VWA3B: variants seen among roughly 807,000 people sequenced by gnomAD.
The protein encoded by VWA3B is von Willebrand factor A domain containing 3B.
VWA3B carries 138 observed loss-of-function variants against 158.3 expected under a neutral mutation model. That is an observed-to-expected ratio of 0.87 (90% CI 0.76 to 1.00). VWA3B has a LOEUF of 1.00. Ranked by LOEUF, VWA3B falls within the 50% of genes least tolerant of loss-of-function variation. The pLI is 0.00. For missense variants in VWA3B, 1,555 were observed against 1,565.1 expected (o/e 0.99, Z 0.11); for synonymous variants, 596 against 587.3 (o/e 1.01, Z -0.21).
chr2:98,255,180 A>ATTTTTTTTTTTTTTTTTTTT (rs1302034902), intron 20 of VWA3B, among the ~76,000 whole-genome samples: 2 of 65,902 alleles, frequency 3.0e-5, no homozygotes, highest in African/African-American at 1.3e-4. Flanking sequence ...CGCCCGGCTG[A>ATTTTTTTTTTTTTTTTTTTT]TATTTTTTTT....
chr2:98,274,828 A>G (rs1688422234), intron 22 of VWA3B, among the ~76,000 whole-genome samples: 1 of 152,220 alleles, frequency 6.6e-6, no homozygotes, highest in African/African-American at 2.4e-5. Context: ...TGAGCCAGGT[A>G]GGAACACTGG....
chr2:98,126,528 G>T (rs1382671606), intron 5 of VWA3B, among the ~76,000 whole-genome samples: 1 of 152,182 alleles, frequency 6.6e-6, no homozygotes, highest in Non-Finnish European at 1.5e-5. Context: ...AGTGGAAGCC[G>T]TTTAAATGTG....
At chr2:98,330,037 T>C in the VWA3B span, among the ~76,000 whole-genome samples, 1 of 152,168 alleles carries the variant, frequency 6.6e-6, no homozygotes, top group Non-Finnish European at 1.5e-5. Context: ...TCCGGACCTA[T>C]GAGAACTAAG....
At chr2:98,223,076 T>A (rs7419414) in intron 14 of VWA3B, among the ~76,000 whole-genome samples, 152,167 of 152,340 alleles carry the variant, frequency 1, 75,997 homozygotes, top group Middle Eastern at 1. Flanking sequence ...TTCAACAATC[T>A]ATTACAAATC....
intron 22 of VWA3B, among the ~76,000 whole-genome samples, chr2:98,282,422 A>T (rs943017644): frequency 1.3e-5 from 2 of 150,780 alleles, no homozygotes; most frequent in Admixed American, 1.3e-4. Context: ...AGCAGAGTAA[A>T]CATGAATTAC....
chr2:98,197,914 T>G (rs1328456307), intron 12 of VWA3B, among the ~76,000 whole-genome samples: 1 of 152,124 alleles, frequency 6.6e-6, no homozygotes, highest in Non-Finnish European at 1.5e-5. Flanking sequence ...TCTGGACACC[T>G]GGTTGTGGTT....
chr2:98,261,571 A>G (rs1448637103), intron 21 of VWA3B, among the ~76,000 whole-genome samples: 2 of 151,706 alleles, frequency 1.3e-5, no homozygotes, highest in East Asian at 3.8e-4. Context: ...TCTTTATAGC[A>G]TTCCTTTTAG....
chr2:98,166,157 C>G (rs1469900162), intron 8 of VWA3B, among the ~76,000 whole-genome samples: 1 of 152,100 alleles, frequency 6.6e-6, no homozygotes, highest in Non-Finnish European at 1.5e-5. Context: ...GTCAACATGG[C>G]AAAACCCCAT....
intron 12 of VWA3B, among the ~76,000 whole-genome samples, chr2:98,211,502 C>T (rs1056796371): frequency 1.3e-5 from 2 of 152,288 alleles, no homozygotes; most frequent in Admixed American, 1.3e-4. Context: ...TGTTAGATTG[C>T]TAAGGATACC....
rs141968249 is a variant in VWA3B, at chr2:98,151,633, G to C, written c.989-11218G>C. Among the ~76,000 whole-genome samples the C allele has an allele frequency of 3.5e-4, 54 of 152,326 alleles. 1 individual carries two copies. The highest frequency in any genetic ancestry group is 3.4e-3 in the Middle Eastern group (1 of 294). On this transcript the variant is annotated intron_variant, in intron 7 of 27. Transcript: ENST00000477737. ...CTTTTTTGGCTTGGAGACAGTGTTT[G>C]CTGGAAGGTGAATCAACTTTGGGAT...
intron 8 of VWA3B, among the ~76,000 whole-genome samples, chr2:98,176,032 G>A (rs1679986241): frequency 1.3e-5 from 2 of 152,148 alleles, no homozygotes; most frequent in Non-Finnish European, 2.9e-5. Flanking sequence ...CCACACTGTC[G>A]CCACCTGGCT....
chr2:98,135,611 A>AGGCGTAGT, intron 7 of VWA3B, among the ~76,000 whole-genome samples: 1 of 152,174 alleles, frequency 6.6e-6, no homozygotes, highest in Middle Eastern at 3.4e-3. Flanking sequence ...CTGGGATTAC[A>AGGCGTAGT]GGCGTGAGCC....
At position 98,300,142 on chromosome 2, in the gene VWA3B, A is replaced by T. The variant is rs747497324; in HGVS notation, c.3346A>T (p.Ile1116Phe). The T allele has an allele frequency of 6.2e-7, 1 of 1,614,218 alleles. No individual in the cohort carries two copies. The highest frequency in any genetic ancestry group is 8.5e-7 in the Non-Finnish European group (1 of 1,180,040). The change falls in exon 25 of 28, where the codon ATT (isoleucine) becomes TTT (phenylalanine). Residue 1116 changes from isoleucine (I) to phenylalanine (F), a missense_variant. Physicochemically the swap from Ile to Phe is conservative, Grantham distance 21. Coordinates refer to ENST00000477737, the MANE Select transcript of VWA3B (RefSeq NM_144992.5). ...AGGATTTGACTTCTATGTCCCTGCCATTGTCATAGCACTTCCCAATAAGCA... is the reference window on the plus strand; with the variant it reads ...AGGATTTGACTTCTATGTCCCTGCCTTTGTCATAGCACTTCCCAATAAGCA... ...PKGFDFYVPAIVIALPNKHVA... is the reference protein window; with the variant it reads ...PKGFDFYVPAFVIALPNKHVA...
chr2:98,159,685 G>C (rs530322759), intron 7 of VWA3B, among the ~76,000 whole-genome samples: 4 of 152,210 alleles, frequency 2.6e-5, no homozygotes, highest in Admixed American at 6.5e-5. Context: ...TCTGTTGTCA[G>C]GCAGACCTTA....
intron 22 of VWA3B, among the ~76,000 whole-genome samples, chr2:98,287,921 T>C (rs1201459207): frequency 6.6e-6 from 1 of 152,228 alleles, no homozygotes; most frequent in Non-Finnish European, 1.5e-5. Flanking sequence ...TCATTTCTGC[T>C]ACTGAGTCCT....
intron 5 of VWA3B, among the ~76,000 whole-genome samples, chr2:98,122,455 A>G (rs1460416057): frequency 1.3e-5 from 2 of 152,232 alleles, no homozygotes; most frequent in Non-Finnish European, 2.9e-5. Flanking sequence ...AATGGTTTGT[A>G]ATTGGAAACA....
intron 8 of VWA3B, among the ~76,000 whole-genome samples, chr2:98,170,217 C>T (rs1679465215): frequency 6.6e-6 from 1 of 152,152 alleles, no homozygotes; most frequent in South Asian, 2.1e-4. Context: ...CCTCTCAAAG[C>T]ATTTCAGGAA....
At chr2:98,104,007 A>G (rs1041672908) in intron 2 of VWA3B, among the ~76,000 whole-genome samples, 6 of 152,178 alleles carry the variant, frequency 3.9e-5, no homozygotes, top group Admixed American at 3.9e-4. Context: ...GTTTACTTTG[A>G]TATTAATATA....
intron 10 of VWA3B, among the ~76,000 whole-genome samples, chr2:98,188,573 T>A (rs1681322776): frequency 6.6e-6 from 1 of 152,206 alleles, no homozygotes; most frequent in Non-Finnish European, 1.5e-5. Flanking sequence ...AGCTCCCACA[T>A]ATGAATGAGA....
Sources: gnomAD v4.1 joint callset for allele counts (sites outside exome capture counted in the v4.1 genomes callset) on GRCh38, gnomAD v4.1.1 for gene constraint, MANE v1.5 for transcripts, NCBI Gene and HGNC (gene_info 2026-07-23, HGNC 2026-07-21) for gene names.